Variants in CLASP1 observed in about 807,000 individuals in gnomAD.
The protein encoded by CLASP1 is CLIP-associating protein 1.
A neutral mutation model predicts 192.3 loss-of-function variants in CLASP1; 38 were observed. That is an observed-to-expected ratio of 0.20 (90% CI 0.15 to 0.26). CLASP1 has a LOEUF of 0.26. CLASP1 is among the 10% of genes least tolerant of loss of function. The probability of loss-of-function intolerance (pLI) is 1.00; values close to 1 mark genes in which losing one functional copy is unlikely to be tolerated. For synonymous variants in CLASP1, 691 were observed against 712.8 expected (o/e 0.97, Z 0.49); for missense variants, 1,433 against 1,932.5 (o/e 0.74, Z 4.85).
intron 7 of CLASP1, 129 bp downstream of exon 7, chr2:121,515,536 C>A: frequency 1.4e-6 from 1 of 720,390 alleles, no homozygotes; most frequent in South Asian, 1.8e-5. Context: ...CTCCAACTAC[C>A]CTCTAACCTT....
At chr2:121,492,674 TAAAAAA>T (rs200482614) in intron 8 of CLASP1, among the ~76,000 whole-genome samples, 1 of 123,854 alleles carries the variant, frequency 8.1e-6, no homozygotes, top group Non-Finnish European at 1.9e-5. Context: ...TTAAAAAAAA[TAAAAAA>T]AAAAAAAAAC....
chr2:121,433,762 A>G (rs1437779732), intron 19 of CLASP1, among the ~76,000 whole-genome samples: 1 of 152,208 alleles, frequency 6.6e-6, no homozygotes, highest in African/African-American at 2.4e-5. Flanking sequence ...TCTCAAAAAG[A>G]AAAGAAGAAA....
At chr2:121,448,224 G>A (rs1399973338) in intron 18 of CLASP1, 52 bp downstream of exon 18, 15 of 1,524,242 alleles carry the variant, frequency 9.8e-6, no homozygotes, top group Non-Finnish European at 1.2e-5. Context: ...GCAGCTGCAC[G>A]TACAGCCCAC....
intron 2 of CLASP1, among the ~76,000 whole-genome samples, chr2:121,559,795 C>CA (rs1272809186): frequency 2.0e-5 from 3 of 151,882 alleles, no homozygotes; most frequent in Non-Finnish European, 2.9e-5. Flanking sequence ...TCTGAATATA[C>CA]AAAAAAACCA....
intron 2 of CLASP1, among the ~76,000 whole-genome samples, chr2:121,603,872 T>A (rs1354747512): frequency 6.6e-6 from 1 of 152,012 alleles, no homozygotes; most frequent in African/African-American, 2.4e-5. Context: ...TAACAGTTAA[T>A]CTCATAAGTA....
chr2:121,349,118 T>C (rs1346746214), intron 37 of CLASP1, among the ~76,000 whole-genome samples: 1 of 151,966 alleles, frequency 6.6e-6, no homozygotes, highest in African/African-American at 2.4e-5. Context: ...TGGGCACCTG[T>C]AGTCCCAGCT....
chr2:121,594,024 C>T (rs1214726946), intron 2 of CLASP1, among the ~76,000 whole-genome samples: 2 of 150,544 alleles, frequency 1.3e-5, no homozygotes, highest in Non-Finnish European at 2.9e-5. Context: ...AAAGGCCTGG[C>T]GCGGTGGCTC....
chr2:121,417,991 T>G (rs2078891471), intron 23 of CLASP1, among the ~76,000 whole-genome samples: 1 of 152,208 alleles, frequency 6.6e-6, no homozygotes, highest in Non-Finnish European at 1.5e-5. Context: ...TGTACAGCAC[T>G]TAACATGGCC....
chr2:121,536,087 C>T (rs919673551), intron 2 of CLASP1, among the ~76,000 whole-genome samples: 1 of 151,152 alleles, frequency 6.6e-6, no homozygotes, highest in Non-Finnish European at 1.5e-5. Context: ...AGCAGTTCCT[C>T]AAAAAAGATT....
intron 2 of CLASP1, among the ~76,000 whole-genome samples, chr2:121,598,405 A>G (rs574171169): frequency 7.9e-5 from 12 of 152,374 alleles, no homozygotes; most frequent in African/African-American, 1.2e-4. Flanking sequence ...ACTGGAACAC[A>G]GCCAAGCCTG....
rs141973520 is a variant in CLASP1 at position 121,461,859 on chromosome 2, T to C, written c.940-666A>G. 7.3e-4 allele frequency among the ~76,000 whole-genome samples: 111 copies of C among 152,286 alleles called. 1 individual carries two copies. The highest frequency in any genetic ancestry group is 2.5e-3 in the African/African-American group (102 of 41,556). Reference sequence around the variant, plus strand: ...CCATGGATGATTTTTGTATCTTTTATAGAGATGAGGTTTCGCCATGTCGCC... The same window carrying C: ...CCATGGATGATTTTTGTATCTTTTACAGAGATGAGGTTTCGCCATGTCGCC... On this transcript the variant is annotated intron_variant, in intron 10 of 39. Transcript: ENST00000263710.
intron 8 of CLASP1, among the ~76,000 whole-genome samples, chr2:121,500,137 T>C (rs886672759): frequency 3.9e-5 from 6 of 152,048 alleles, no homozygotes; most frequent in African/African-American, 9.7e-5. Context: ...GGTTGTAATC[T>C]AAGCTGTATA....
At chr2:121,445,832 C>T (rs1336768249) in intron 19 of CLASP1, among the ~76,000 whole-genome samples, 1 of 152,188 alleles carries the variant, frequency 6.6e-6, no homozygotes, top group Non-Finnish European at 1.5e-5. Flanking sequence ...TATTCAAACA[C>T]TCCATAATAC....
At chr2:121,618,946 A>T (rs2066896134) in intron 1 of CLASP1, among the ~76,000 whole-genome samples, 1 of 152,232 alleles carries the variant, frequency 6.6e-6, no homozygotes, top group African/African-American at 2.4e-5. Flanking sequence ...GAACTGGAGA[A>T]TCTAGAAACT....
chr2:121,517,858 CT>C (rs70954553), intron 6 of CLASP1, among the ~76,000 whole-genome samples: 1,032 of 30,680 alleles, frequency 0.034, 31 homozygotes, highest in East Asian at 0.068. Context: ...AAGACTCAAG[CT>C]TTTTTTTTTT....
At chr2:121,623,070 C>CTATA (rs1014676739) in intron 1 of CLASP1, among the ~76,000 whole-genome samples, 1 of 151,604 alleles carries the variant, frequency 6.6e-6, no homozygotes, top group Non-Finnish European at 1.5e-5. Context: ...TAAACAATAT[C>CTATA]TATATATATA....
chr2:121,415,193 G>A (rs2149533006), intron 23 of CLASP1, among the ~76,000 whole-genome samples: 1 of 152,330 alleles, frequency 6.6e-6, no homozygotes, highest in South Asian at 2.1e-4. Context: ...GCTCAGTAAT[G>A]CAATTGTAAA....
At chr2:121,477,085 T>C (rs910861275) in intron 8 of CLASP1, among the ~76,000 whole-genome samples, 3 of 152,216 alleles carry the variant, frequency 2.0e-5, no homozygotes, top group Admixed American at 6.5e-5. Context: ...TTTACTTCAT[T>C]GCCCCCTGAA....
chr2:121,545,950 T>C (rs979988172), intron 2 of CLASP1, among the ~76,000 whole-genome samples: 1 of 152,168 alleles, frequency 6.6e-6, no homozygotes, highest in Non-Finnish European at 1.5e-5. Context: ...TTTATAGTTC[T>C]ATAGAATGAG....
Sources: gnomAD v4.1 joint callset for allele counts (sites outside exome capture counted in the v4.1 genomes callset) on GRCh38, gnomAD v4.1.1 for gene constraint, MANE v1.5 for transcripts, NCBI Gene and HGNC (gene_info 2026-07-23, HGNC 2026-07-21) for gene names.